The following SYNJ2BP variants were observed in gnomAD, a reference collection of about 807,000 sequenced individuals.
SYNJ2BP encodes synaptojanin-2-binding protein.
SYNJ2BP carries 10 observed loss-of-function variants against 16.9 expected under a neutral mutation model. The observed-to-expected ratio is 0.59, with a 90% CI of 0.36 to 1.00. SYNJ2BP has a LOEUF of 1.00. Ranked by LOEUF, SYNJ2BP falls within the 50% of genes least tolerant of loss-of-function variation. SYNJ2BP has a pLI of 0.01. For missense variants in SYNJ2BP, 162 were observed against 186.7 expected (o/e 0.87, Z 0.77); for synonymous variants, 54 against 68.4 (o/e 0.79, Z 1.04).
chr14:70,412,539 GTATA>G (rs567448267), intron 1 of SYNJ2BP, among the ~76,000 whole-genome samples: 12 of 147,622 alleles, frequency 8.1e-5, no homozygotes, highest in Admixed American at 6.2e-4. Flanking sequence ...TGTATGTATA[GTATA>G]TATACAGTAT....
chr14:70,393,130 C>T (rs187274783), intron 1 of SYNJ2BP, among the ~76,000 whole-genome samples: 11 of 152,170 alleles, frequency 7.2e-5, no homozygotes, highest in Admixed American at 2.6e-4. Flanking sequence ...ACAAACAACC[C>T]CATCAAAAAG....
At chr14:70,415,926 A>G (rs8013351) in intron 1 of SYNJ2BP, among the ~76,000 whole-genome samples, 168 of 152,376 alleles carry the variant, frequency 1.1e-3, no homozygotes, top group African/African-American at 4.0e-3. Context: ...AACTCATTTC[A>G]TTCTCACAAC....
At position 70,390,010 on chromosome 14, in the gene SYNJ2BP, G is replaced by A. The variant is rs544696153; in HGVS notation, c.65-1404C>T. On this transcript the variant is annotated intron_variant, in intron 1 of 3. Transcript: ENST00000256366. ...ATATCATACACTGAAAAATCTGTTC[G>A]GAGTAGATCTCACGTTAAGTGTTCC... Among the ~76,000 whole-genome samples, 10 of 152,076 alleles carry A rather than the reference G, an allele frequency of 6.6e-5. No individual in the cohort carries two copies. In the South Asian group the frequency reaches 8.3e-4, roughly 13 times the overall value.
At position 70,416,317 on chromosome 14, in the gene SYNJ2BP, CTTT is replaced by C. The variant is rs34083947; in HGVS notation, c.64+580_64+582del. 3.3e-3 allele frequency among the ~76,000 whole-genome samples: 464 copies of C among 140,836 alleles called. 1 individual carries two copies. The highest frequency in any genetic ancestry group is 7.7e-3 in the African/African-American group (299 of 38,932). The allele number at this position is 140,836 out of a possible 152,430, so 92.4% of individuals were successfully genotyped here. ...GAGATAAGATTTAACTTTTTATTTT[CTTT>C]TTTTTTTTTTTTTTTAAAGCCCTGG... On this transcript the variant is annotated intron_variant, in intron 1 of 3. Transcript: ENST00000256366.
At chr14:70,397,246 G>A (rs1021516769) in intron 1 of SYNJ2BP, among the ~76,000 whole-genome samples, 2 of 151,862 alleles carry the variant, frequency 1.3e-5, no homozygotes, top group Non-Finnish European at 2.9e-5. Context: ...GTACTCTGCT[G>A]TTATTTGATG....
At chr14:70,416,493 C>G (rs1054804304) in intron 1 of SYNJ2BP, among the ~76,000 whole-genome samples, 3 of 151,890 alleles carry the variant, frequency 2.0e-5, no homozygotes, top group Non-Finnish European at 4.4e-5. Flanking sequence ...AGGAAAACGG[C>G]TATGCATTCA....
At chr14:70,401,500 T>C (rs1888234958) in intron 1 of SYNJ2BP, among the ~76,000 whole-genome samples, 1 of 148,110 alleles carries the variant, frequency 6.8e-6, no homozygotes, top group Non-Finnish European at 1.5e-5. Context: ...TCTGCTTTTT[T>C]CCTCTCTTGG....
chr14:70,415,983 T>G (rs749269375), intron 1 of SYNJ2BP, among the ~76,000 whole-genome samples: 6 of 152,222 alleles, frequency 3.9e-5, no homozygotes, highest in Non-Finnish European at 7.3e-5. Context: ...GATGATAAAC[T>G]AAGGCTTACA....
chr14:70,389,460 C>A (rs1409465036), intron 1 of SYNJ2BP, among the ~76,000 whole-genome samples: 1 of 149,670 alleles, frequency 6.7e-6, no homozygotes, highest in African/African-American at 2.5e-5. Flanking sequence ...AAGGTAACTG[C>A]TATTTCATGG....
intron 1 of SYNJ2BP, among the ~76,000 whole-genome samples, chr14:70,409,487 A>G (rs1888422375): frequency 6.6e-6 from 1 of 152,228 alleles, no homozygotes; most frequent in Non-Finnish European, 1.5e-5. Flanking sequence ...ATGTTTCTGC[A>G]GTTGAACATC....
At position 70,370,235 on chromosome 14, in the gene SYNJ2BP, CTT is replaced by C. The variant is rs893237127; in HGVS notation, c.*2754_*2755del. ...TCATTCCTGCTTGACATTTTTTTCACTTTGTGTGTCTCAAGGCTCTCTCAGGA... is the reference window on the plus strand; with the variant it reads ...TCATTCCTGCTTGACATTTTTTTCACTGTGTGTCTCAAGGCTCTCTCAGGA... On this transcript the variant is annotated 3_prime_UTR_variant, in exon 4 of 4. Coordinates refer to ENST00000256366, the MANE Select transcript of SYNJ2BP (RefSeq NM_018373.3). 16 of 152,176 alleles carry C rather than the reference CTT, an allele frequency of 1.1e-4. No homozygotes were observed. Among genetic ancestry groups the C allele is most frequent in the African/African-American group, 3.6e-4 (15 of 41,520 alleles). 9.4% of individuals were successfully genotyped at this position (152,176 alleles called of 1,614,324 possible).
At chr14:70,409,541 T>C (rs1353748609) in intron 1 of SYNJ2BP, among the ~76,000 whole-genome samples, 1 of 152,212 alleles carries the variant, frequency 6.6e-6, no homozygotes, top group Non-Finnish European at 1.5e-5. Context: ...TCCTAGATAT[T>C]TTACTGTACA....
intron 2 of SYNJ2BP, among the ~76,000 whole-genome samples, chr14:70,387,171 C>T (rs1887877977): frequency 6.6e-6 from 1 of 152,176 alleles, no homozygotes; most frequent in African/African-American, 2.4e-5. Flanking sequence ...TTTTTCCATT[C>T]TTTATACCAA....
At chr14:70,388,995 G>A (rs1887922100) in intron 1 of SYNJ2BP, among the ~76,000 whole-genome samples, 1 of 151,302 alleles carries the variant, frequency 6.6e-6, no homozygotes. Flanking sequence ...AGCTACTCAG[G>A]AGTTCATAGC....
intron 1 of SYNJ2BP, among the ~76,000 whole-genome samples, chr14:70,416,335 TA>T (rs1478551041): frequency 4.8e-5 from 6 of 124,008 alleles, no homozygotes; most frequent in South Asian, 5.0e-4. Flanking sequence ...TTTTTTTTTT[TA>T]AAGCCCTGGG....
chr14:70,397,318 CCT>C (rs1211097776), intron 1 of SYNJ2BP, among the ~76,000 whole-genome samples: 1 of 152,006 alleles, frequency 6.6e-6, no homozygotes, highest in Admixed American at 6.6e-5. Flanking sequence ...TTGTTCAAAT[CCT>C]CTCTTTCCTT....
chr14:70,400,088 C>A (rs149365182), intron 1 of SYNJ2BP, among the ~76,000 whole-genome samples: 45 of 152,352 alleles, frequency 3.0e-4, no homozygotes, highest in Middle Eastern at 3.4e-3. Flanking sequence ...TTATTTCAGT[C>A]TTCCATTAGT....
intron 2 of SYNJ2BP, among the ~76,000 whole-genome samples, chr14:70,381,105 A>G (rs1887740065): frequency 6.6e-6 from 1 of 152,232 alleles, no homozygotes; most frequent in African/African-American, 2.4e-5. Flanking sequence ...TAATCTCAGT[A>G]CTACATAAAG....
intron 1 of SYNJ2BP, among the ~76,000 whole-genome samples, chr14:70,398,961 T>A (rs889367888): frequency 6.6e-6 from 1 of 152,070 alleles, no homozygotes; most frequent in Non-Finnish European, 1.5e-5. Flanking sequence ...CAGGAGCAGA[T>A]AGTGGGCCCC....
Sources: allele counts gnomAD v4.1 joint callset (sites outside exome capture counted in the v4.1 genomes callset), GRCh38; gene constraint gnomAD v4.1.1; transcripts MANE v1.5; gene names NCBI Gene and HGNC (gene_info 2026-07-23, HGNC 2026-07-21).